Variants in SF3B3 observed in about 807,000 individuals in gnomAD.
The protein encoded by SF3B3 is SAP 130.
A neutral mutation model predicts 139.2 loss-of-function variants in SF3B3; 33 were observed. The observed-to-expected ratio is 0.24, with a 90% CI of 0.18 to 0.32. The LOEUF (loss-of-function observed/expected upper bound fraction) is 0.32. SF3B3 is among the 10% of genes least tolerant of loss of function. The pLI, the probability that SF3B3 is intolerant of heterozygous loss-of-function variation, is 1.00. For missense variants in SF3B3, 818 were observed against 1,509.4 expected (o/e 0.54, Z 7.59); for synonymous variants, 596 against 563.6 (o/e 1.06, Z -0.81).
intron 11 of SF3B3, among the ~76,000 whole-genome samples, chr16:70,549,407 G>T (rs536390747): frequency 5.5e-4 from 83 of 152,286 alleles, no homozygotes; most frequent in Middle Eastern, 3.4e-3. Flanking sequence ...TAGGAAATGG[G>T]TAGGCTTATA....
In SF3B3 at chr16:70,529,107, T is replaced by C. The variant is rs149057932; in HGVS notation, c.305T>C (p.Ile102Thr). The C allele has an allele frequency of 6.2e-7, 1 of 1,614,072 alleles. No individual in the cohort carries two copies. Among genetic ancestry groups the C allele is most frequent in the Non-Finnish European group, 8.5e-7 (1 of 1,180,028 alleles). Residue 102 changes from isoleucine to threonine, a missense_variant, in exon 3 of 26, where the codon ATT becomes ACT. Physicochemically the swap from Ile to Thr is moderately conservative, Grantham distance 89 (BLOSUM62 -1). Around this residue, in one of 14 missense-constraint regions of SF3B3, gnomAD observed 144 missense variants for 259.2 expected, o/e 0.56. Transcript: ENST00000302516. ...CCATCTAAGAATATGTTTGAGAAGA[T>C]TCACCAAGAAACCTTTGGCAAGAGT... is the stretch of plus-strand genomic sequence containing the variant. The part of the protein sequence containing the change: ...YQPSKNMFEK[I>T]HQETFGKSGC...
In SF3B3 at chr16:70,555,301, A is replaced by G. The variant is rs1274341075; in HGVS notation, c.1710+95A>G. 4.2e-6 allele frequency: 5 copies of G among 1,192,300 alleles called. No homozygotes were observed. In the Admixed American group the frequency reaches 9.5e-5, roughly 23 times the overall value. The allele number at this position is 1,192,300 out of a possible 1,614,324, so 73.9% of individuals were successfully genotyped here. A position where few individuals can be genotyped will look rare whatever the true frequency, so the allele number is the denominator to read the frequency against. On this transcript the variant is annotated intron_variant, in intron 13 of 25. Transcript: ENST00000302516. ...AGTCATTTAGATGATAGTATGGTGA[A>G]ATCCTGTCTCTACTAAAAATACAAA...
chr16:70,552,942 AT>A (rs2050341433), intron 11 of SF3B3, among the ~76,000 whole-genome samples: 2 of 152,202 alleles, frequency 1.3e-5, no homozygotes, highest in Non-Finnish European at 2.9e-5. Flanking sequence ...AGACAGTCTC[AT>A]TCTGTCACCC....
chr16:70,524,169 A>G, intron 1 of SF3B3: 1 of 279,478 alleles, frequency 3.6e-6, no homozygotes. Flanking sequence ...ATTGCTTTTA[A>G]CTTCTGGGGA....
chr16:70,532,010 C>G (rs902259673), intron 4 of SF3B3, among the ~76,000 whole-genome samples: 12 of 152,222 alleles, frequency 7.9e-5, no homozygotes, highest in Non-Finnish European at 2.9e-5. Context: ...GATTGTACCA[C>G]TGCAGTCGTG....
In SF3B3 at chr16:70,531,694, T is replaced by G. The variant is rs188960722; in HGVS notation, c.570+777T>G. On this transcript the variant is annotated intron_variant, in intron 4 of 25. Coordinates refer to ENST00000302516, the MANE Select transcript of SF3B3 (RefSeq NM_012426.5). ...ACTATTTAATAGTCTTTCTCTGATTTAAGTAATCTCCCTATGGAAACAAGA... is the reference window on the plus strand; with the variant it reads ...ACTATTTAATAGTCTTTCTCTGATTGAAGTAATCTCCCTATGGAAACAAGA... Among the ~76,000 whole-genome samples the G allele has an allele frequency of 6.6e-5, 10 of 152,388 alleles. No homozygotes were observed. In the East Asian group the frequency reaches 1.9e-3, roughly 29 times the overall value.
intron 21 of SF3B3, among the ~76,000 whole-genome samples, chr16:70,568,074 G>A (rs888156513): frequency 1.3e-5 from 2 of 152,144 alleles, no homozygotes; most frequent in Non-Finnish European, 2.9e-5. Context: ...GCTTCTATAA[G>A]GAAAGTAAAT....
intron 8 of SF3B3, among the ~76,000 whole-genome samples, chr16:70,540,068 C>T (rs2151781560): frequency 6.6e-6 from 1 of 150,554 alleles, no homozygotes; most frequent in South Asian, 2.1e-4. Flanking sequence ...AGCCACTGCG[C>T]CCAGCAGTAC....
Position 70,528,162 on chromosome 16 carries a change from CTTT to C in SF3B3, c.71-693_71-691del, listed in dbSNP as rs760087242. Among the ~76,000 whole-genome samples, 7 of 122,336 alleles carry C rather than the reference CTTT, an allele frequency of 5.7e-5. No individual in the cohort carries two copies. In the East Asian group the frequency reaches 7.7e-4, roughly 13 times the overall value. 80.3% of individuals were successfully genotyped at this position (122,336 alleles called of 152,430 possible). On this transcript the variant is annotated intron_variant, in intron 2 of 25. Transcript: ENST00000302516. ...TTATCTAAAATGATGGAGAAGTTTT[CTTT>C]TTTTTTTTTTTTTTTTTGAGACGTA...
chr16:70,527,952 T>C (rs543173361), intron 2 of SF3B3, among the ~76,000 whole-genome samples: 1 of 151,926 alleles, frequency 6.6e-6, no homozygotes, highest in Non-Finnish European at 1.5e-5. Context: ...ATTTTTCATA[T>C]TTTTAGTAGA....
In SF3B3 at chr16:70,539,157, G is replaced by A; in HGVS notation, c.1017G>A (p.Met339Ile). 6.2e-7 allele frequency: 1 copy of A among 1,614,158 alleles called. No homozygotes were observed. The change falls in exon 8 of 26, where the codon ATG becomes ATA. Residue 339 changes from methionine (M) to isoleucine (I), a missense_variant. By Grantham distance (10) the Met-to-Ile change is conservative. This residue lies in a region of SF3B3 where 80 missense variants were observed against 206.5 expected (regional missense o/e 0.39). Coordinates refer to ENST00000302516, the MANE Select transcript of SF3B3 (RefSeq NM_012426.5). ...YFDTVPVAAA[M>I]CVLKTGFLFV... ...ATACTGTACCCGTTGCTGCTGCCAT[G>A]TGTGTGCTTAAAACAGGGTTCCTTT...
At chr16:70,544,355 G>A in intron 9 of SF3B3, 83 bp from the exon 10 acceptor site, 2 of 766,106 alleles carry the variant, frequency 2.6e-6, no homozygotes, top group Non-Finnish European at 4.6e-6. Context: ...AAAGCAGCTG[G>A]ATGTCTGGGA....
chr16:70,544,618 A>G (rs2050250963), intron 10 of SF3B3, 85 bp downstream of exon 10: 4 of 785,346 alleles, frequency 5.1e-6, no homozygotes, highest in Non-Finnish European at 8.9e-6. Flanking sequence ...GATGTTGTCA[A>G]AGACATAGTT....
chr16:70,565,131 A>G lies in SF3B3; in HGVS notation c.2530A>G (p.Asn844Asp), dbSNP rs1035993234. The G allele has an allele frequency of 1.2e-6, 2 of 1,614,178 alleles. No individual in the cohort carries two copies. Among genetic ancestry groups the G allele is most frequent in the Non-Finnish European group, 1.7e-6 (2 of 1,180,044 alleles). ...CGCAGAGATGGCAGCAGCATTCCTC[A>G]ATGAAAACCTCCCTGAATCCATCTT... ...LAAEMAAAFL[N>D]ENLPESIFGA... Residue 844 changes from asparagine to aspartate, a missense_variant, in exon 19 of 26, where the codon AAT becomes GAT. Asn to Asp is a conservative substitution (Grantham distance 23, BLOSUM62 1). This residue lies in a region of SF3B3 where 25 missense variants were observed against 68.1 expected (regional missense o/e 0.37). Transcript: ENST00000302516.
chr16:70,551,746 G>C (rs2050328812), intron 11 of SF3B3, among the ~76,000 whole-genome samples: 2 of 152,096 alleles, frequency 1.3e-5, no homozygotes, highest in Admixed American at 1.3e-4. Flanking sequence ...GTCTTGTTAT[G>C]TTGCCCAGGC....
Position 70,563,870 on chromosome 16 carries a change from TCATAGGA to T in SF3B3, c.2289-5_2290del, listed in dbSNP as rs1219758040. On this transcript the variant is annotated splice_acceptor_variant and splice_polypyrimidine_tract_variant and coding_sequence_variant and intron_variant, in exon 18 of 26. Coordinates refer to ENST00000302516, the MANE Select transcript of SF3B3 (RefSeq NM_012426.5). LOFTEE classifies it high-confidence loss of function. The stretch of plus-strand genomic sequence containing the variant: ...ATTAAATAACTGCCTTGCTTTTTTG[TCATAGGA>T]TTTTGGCATTAGAGAAGCTCGGTGC... 6.2e-7 allele frequency: 1 copy of T among 1,613,800 alleles called. No individual in the cohort carries two copies.
At chr16:70,528,476 T>A (rs1459073382) in intron 2 of SF3B3, among the ~76,000 whole-genome samples, 1 of 149,378 alleles carries the variant, frequency 6.7e-6, no homozygotes, top group Non-Finnish European at 1.5e-5. Flanking sequence ...TTTTTTTTTT[T>A]TTTTTTTTTT....
Position 70,576,078 on chromosome 16 carries a change from C to T in SF3B3, c.*4265C>T, listed in dbSNP as rs2050577001. ...AATTCAAAAAGCCGGGCGTGAAGCCCTGTTTTTTTTTTTTTAAAAAAAGAG... is the reference window on the plus strand; with the variant it reads ...AATTCAAAAAGCCGGGCGTGAAGCCTTGTTTTTTTTTTTTTAAAAAAAGAG... On this transcript the variant is annotated 3_prime_UTR_variant, in exon 26 of 26. Coordinates refer to ENST00000302516, the MANE Select transcript of SF3B3 (RefSeq NM_012426.5). The T allele has an allele frequency of 7.0e-6, 1 of 142,766 alleles. No homozygotes were observed. The highest frequency in any genetic ancestry group is 2.5e-4 in the South Asian group (1 of 3,938). 8.8% of individuals were successfully genotyped at this position (142,766 alleles called of 1,614,324 possible).
At chr16:70,539,298 A>C in intron 8 of SF3B3, 91 bp downstream of exon 8, 1 of 915,262 alleles carries the variant, frequency 1.1e-6, no homozygotes, top group Non-Finnish European at 1.8e-6. Flanking sequence ...CCATAATCCT[A>C]GCACTTTGGG....
Sources: gnomAD v4.1 joint callset for allele counts (sites outside exome capture counted in the v4.1 genomes callset) on GRCh38, gnomAD v4.1.1 for gene constraint, gnomAD v4.1.1 regional missense constraint, MANE v1.5 for transcripts, NCBI Gene and HGNC (gene_info 2026-07-23, HGNC 2026-07-21) for gene names.